FANCE: variants seen among roughly 807,000 people sequenced by gnomAD.
FANCE encodes the protein FA complementation group E.
FANCE carries 42 observed loss-of-function variants against 57.8 expected under a neutral mutation model. The ratio of observed to expected loss-of-function variants is 0.73; its 90% CI spans 0.57 to 0.94. The LOEUF (loss-of-function observed/expected upper bound fraction) is 0.94. FANCE is among the 40% of genes least tolerant of loss of function. The probability of loss-of-function intolerance (pLI) is 0.00; values close to 1 mark genes in which losing one functional copy is unlikely to be tolerated. For synonymous variants in FANCE, 251 were observed against 286.4 expected (o/e 0.88, Z 1.25); for missense variants, 608 against 661.8 (o/e 0.92, Z 0.89).
At chr6:35,466,122 C>T (rs1356880856) in intron 9 of FANCE, 122 bp from the exon 10 acceptor site, 8 of 746,806 alleles carry the variant, frequency 1.1e-5, no homozygotes, top group Admixed American at 1.9e-5. Flanking sequence ...TTAGATTGCT[C>T]AGGAGTCTCC....
At chr6:35,463,075 C>T (rs549041149) in intron 9 of FANCE, among the ~76,000 whole-genome samples, 161 bp downstream of exon 9, 48 of 152,100 alleles carry the variant, frequency 3.2e-4, no homozygotes, top group African/African-American at 1.1e-3. Flanking sequence ...CCGAGGCAGG[C>T]GGATCATGAG....
rs147166240 is a variant in FANCE at position 35,462,914 on chromosome 6, C to T, written c.1509C>T (p.Asn503=). ...CAGTGATGACCAAGTATCAGGCTAA[C>T]GTGAGTATTGATAGGGCCTTGGGGC... ...MLTVMTKYQA[N]ITETQRLGLA... The change falls in exon 9 of 10, where the codon AAC becomes AAT. Residue 503 remains asparagine (N), a splice_region_variant and synonymous_variant. Coordinates refer to ENST00000229769, the MANE Select transcript of FANCE (RefSeq NM_021922.3). 5.0e-4 allele frequency: 801 copies of T among 1,614,156 alleles called. 16 individuals are homozygous for T. The East Asian group carries it at 0.017, about 33-fold the overall frequency.
intron 4 of FANCE, 94 bp from the exon 5 acceptor site, chr6:35,458,203 C>T (rs2150894342): frequency 6.5e-7 from 1 of 1,541,832 alleles, no homozygotes; most frequent in Admixed American, 1.7e-5. Context: ...AGTATCTTTG[C>T]CCTGCTCTGT....
rs1767153230 is a variant in FANCE, at chr6:35,452,653, G to T, written c.108G>T (p.Gly36=). 4.0e-6 allele frequency: 5 copies of T among 1,246,248 alleles called. No individual in the cohort carries two copies. In the African/African-American group the frequency reaches 7.8e-5, roughly 19 times the overall value. 77.2% of individuals were successfully genotyped at this position (1,246,248 alleles called of 1,614,324 possible). ...TCCTGCTGCAGGCGCTGCAGGCGGG[G>T]CCTGAGGGGGCGCGGCGCGGCCTGG... ...ARLLLQALQA[G]PEGARRGLGV... Residue 36 remains glycine (G), a synonymous_variant, in exon 1 of 10, where the codon GGG becomes GGT. Coordinates refer to ENST00000229769, the MANE Select transcript of FANCE (RefSeq NM_021922.3).
In FANCE at chr6:35,457,945, A is replaced by G. The variant is rs201293383; in HGVS notation, c.930A>G (p.Pro310=). The G allele has an allele frequency of 3.1e-6, 5 of 1,614,036 alleles. No homozygotes were observed. Among genetic ancestry groups the G allele is most frequent in the Non-Finnish European group, 4.2e-6 (5 of 1,180,026 alleles). The change falls in exon 4 of 10, where the codon CCA becomes CCG. Residue 310 remains proline, a synonymous_variant. Coordinates refer to ENST00000229769, the MANE Select transcript of FANCE (RefSeq NM_021922.3). ...EGLEGLEDAP[P]VELQLLHECS... is the part of the protein sequence containing the mutation. Reference sequence around the variant, plus strand: ...TAGAGGGATTGGAGGATGCCCCCCCAGTTGAGCTACAGCTTCTTCACGAAT... The same window carrying G: ...TAGAGGGATTGGAGGATGCCCCCCCGGTTGAGCTACAGCTTCTTCACGAAT...
chr6:35,455,646 C>A, intron 1 of FANCE, 101 bp from the exon 2 acceptor site: 3 of 1,411,780 alleles, frequency 2.1e-6, no homozygotes, highest in East Asian at 2.3e-5. Context: ...TGCGTGCCAG[C>A]CCCCATCTGT....
Position 35,460,501 on chromosome 6 carries a change from C to A in FANCE, c.1317-51C>A, listed in dbSNP as rs559046656. ...GGAGTTGGAGCAGCAGATAGATACT[C>A]AGGCTTGGGTGGGAGGCCAGGCATT... is the stretch of plus-strand genomic sequence containing the variant. On this transcript the variant is annotated intron_variant, in intron 7 of 9. Coordinates refer to ENST00000229769, the MANE Select transcript of FANCE (RefSeq NM_021922.3). The A allele has an allele frequency of 1.7e-5, 27 of 1,557,980 alleles. No individual in the cohort carries two copies. The East Asian group carries it at 3.8e-4, about 22-fold the overall frequency.
rs1767229574 is a variant in FANCE, at chr6:35,454,181, C to A, written c.248+1388C>A. 4.6e-5 allele frequency among the ~76,000 whole-genome samples: 7 copies of A among 152,066 alleles called. No homozygotes were observed. The South Asian group carries it at 1.5e-3, about 32-fold the overall frequency. ...AGAAGAAGCAATTCTTCTGCCCCAG[C>A]CTCCTGAGTAGCTGGGACTACAGGC... On this transcript the variant is annotated intron_variant, in intron 1 of 9. Transcript: ENST00000229769.
chr6:35,452,766 T>G lies in FANCE; in HGVS notation c.221T>G (p.Val74Gly), dbSNP rs1333911902. The change falls in exon 1 of 10, where the codon GTG becomes GGG. Residue 74 changes from valine to glycine, a missense_variant. Val to Gly is a moderately radical substitution (Grantham distance 109). Transcript: ENST00000229769. Reference sequence around the variant, plus strand: ...GCCCTGTGCCGGGAGGAGCCGGTCGTGCAGGGGCCTGACGGCCGTCTGGAG... The same window carrying G: ...GCCCTGTGCCGGGAGGAGCCGGTCGGGCAGGGGCCTGACGGCCGTCTGGAG... ...LEALCREEPV[V>G]QGPDGRLELK... 25 of 1,290,520 alleles carry G rather than the reference T, an allele frequency of 1.9e-5. No homozygotes were observed. Among genetic ancestry groups the G allele is most frequent in the Non-Finnish European group, 2.5e-5 (25 of 1,014,872 alleles). The allele number at this position is 1,290,520 out of a possible 1,614,324, so 79.9% of individuals were successfully genotyped here.
Position 35,455,756 on chromosome 6 carries a change from G to A in FANCE, c.258G>A (p.Leu86=). The part of the protein sequence containing the change: ...GPDGRLELKP[L]LLRLPRICQR... ...TCCCTCTGCTACCCAGGAAACCACT[G>A]TTGCTGCGATTGCCCCGGATATGCC... The change falls in exon 2 of 10, where the codon CTG becomes CTA. Residue 86 remains leucine (L), a synonymous_variant. Transcript: ENST00000229769. The A allele has an allele frequency of 6.2e-7, 1 of 1,614,030 alleles. No individual in the cohort carries two copies. The highest frequency in any genetic ancestry group is 8.5e-7 in the Non-Finnish European group (1 of 1,180,034).
chr6:35,465,520 G>A (rs1767797337), intron 9 of FANCE, among the ~76,000 whole-genome samples: 1 of 152,176 alleles, frequency 6.6e-6, no homozygotes, highest in Admixed American at 6.5e-5. Flanking sequence ...AGGTATTCTG[G>A]GCTATTGCCT....
At chr6:35,462,952 C>A (rs1334278515) in intron 9 of FANCE, 38 bp downstream of exon 9, 29 of 1,613,104 alleles carry the variant, frequency 1.8e-5, no homozygotes, top group Non-Finnish European at 2.5e-5. Flanking sequence ...GTCCTGCTGG[C>A]AGGGCTGCCC....
Position 35,466,087 on chromosome 6 carries a change from C to T in FANCE, c.1510-157C>T, listed in dbSNP as rs374810676. 5.3e-5 allele frequency among the ~76,000 whole-genome samples: 8 copies of T among 152,328 alleles called. No homozygotes were observed. The South Asian group carries it at 6.2e-4, about 12-fold the overall frequency. On this transcript the variant is annotated intron_variant, in intron 9 of 9. Transcript: ENST00000229769. ...CTAGTATTTGGCTCCAGGTCTACCT[C>T]GTTAACCATGGTGAAATAATGAGAT...
At position 35,466,408 on chromosome 6, in the gene FANCE, C is replaced by T. The variant is rs1767839821; in HGVS notation, c.*63C>T. ...CCAGCTTCCTGAAGGGCATTTCTTT[C>T]TTCACCACCTTGTCTTGAGCCCTAG... On this transcript the variant is annotated 3_prime_UTR_variant, in exon 10 of 10. Transcript: ENST00000229769. 9.5e-7 allele frequency: 1 copy of T among 1,051,570 alleles called. No homozygotes were observed. The highest frequency in any genetic ancestry group is 2.4e-5 in the East Asian group (1 of 42,298). 65.1% of individuals were successfully genotyped at this position (1,051,570 alleles called of 1,614,324 possible).
At chr6:35,455,415 C>T (rs1466833738) in intron 1 of FANCE, among the ~76,000 whole-genome samples, 3 of 152,076 alleles carry the variant, frequency 2.0e-5, no homozygotes, top group African/African-American at 7.2e-5. Context: ...TCAAGCGATT[C>T]TCCTGCCTCA....
chr6:35,463,433 G>C lies in FANCE; in HGVS notation c.1509+519G>C, dbSNP rs45628531. Among the ~76,000 whole-genome samples, 293 of 152,352 alleles carry C rather than the reference G, an allele frequency of 1.9e-3. 6 individuals carry two copies. In the East Asian group the frequency reaches 0.028, roughly 15 times the overall value. ...AACACTTCTTTAGGCCAGATGCTGT[G>C]TGGGGCACTGGGAAATCAACAGCGA... On this transcript the variant is annotated intron_variant, in intron 9 of 9. Transcript: ENST00000229769.
At position 35,459,809 on chromosome 6, in the gene FANCE, G is replaced by A. The variant is rs530543374; in HGVS notation, c.1316+49G>A. 87 of 1,536,502 alleles carry A rather than the reference G, an allele frequency of 5.7e-5. 2 individuals carry two copies. In the South Asian group the frequency reaches 7.0e-4, roughly 12 times the overall value. On this transcript the variant is annotated intron_variant, in intron 7 of 9. Coordinates refer to ENST00000229769, the MANE Select transcript of FANCE (RefSeq NM_021922.3). Reference sequence around the variant, plus strand: ...GTCCCCACTGCCACCTGTTCCCCCAGGCTAGAGTGACATCACATGTGTTGG... The same window carrying A: ...GTCCCCACTGCCACCTGTTCCCCCAAGCTAGAGTGACATCACATGTGTTGG...
intron 1 of FANCE, among the ~76,000 whole-genome samples, chr6:35,453,331 G>A (rs1333584523): frequency 1.3e-5 from 2 of 151,482 alleles, no homozygotes; most frequent in Non-Finnish European, 2.9e-5. Flanking sequence ...TAACCTCTCT[G>A]TGGCTGACGA....
Position 35,452,774 on chromosome 6 carries a change from C to A in FANCE, c.229C>A (p.Pro77Thr), listed in dbSNP as rs587778335. 5.7e-4 allele frequency: 738 copies of A among 1,301,090 alleles called. No homozygotes were observed. The highest frequency in any genetic ancestry group is 6.8e-4 in the Non-Finnish European group (691 of 1,019,694). 80.6% of individuals were successfully genotyped at this position (1,301,090 alleles called of 1,614,324 possible). The change falls in exon 1 of 10, where the codon CCT (proline) becomes ACT (threonine). Residue 77 changes from proline to threonine, a missense_variant. Pro to Thr is a conservative substitution (Grantham distance 38, BLOSUM62 -1). Coordinates refer to ENST00000229769, the MANE Select transcript of FANCE (RefSeq NM_021922.3). ...LCREEPVVQG[P>T]DGRLELKPLL... is the part of the protein sequence containing the mutation. The stretch of plus-strand genomic sequence containing the variant: ...CCGGGAGGAGCCGGTCGTGCAGGGG[C>A]CTGACGGCCGTCTGGAGCTGTAAGT...
Sources: gnomAD v4.1 joint callset for allele counts (sites outside exome capture counted in the v4.1 genomes callset) on GRCh38, gnomAD v4.1.1 for gene constraint, MANE v1.5 for transcripts, NCBI Gene and HGNC (gene_info 2026-07-23, HGNC 2026-07-21) for gene names.